Variants in ZNF790 observed in about 807,000 individuals in gnomAD.
The protein encoded by ZNF790 is zinc finger protein 790.
Under a neutral mutation model 12.1 loss-of-function variants are expected in ZNF790, and 8 were observed. The observed-to-expected ratio is 0.66, with a 90% CI of 0.39 to 1.19. The LOEUF is 1.19. Ranked by LOEUF, ZNF790 falls within the 50% of genes most tolerant of loss-of-function variation. ZNF790 has a pLI of 0.01. For missense variants in ZNF790, 707 were observed against 752.2 expected (o/e 0.94, Z 0.70); for synonymous variants, 252 against 244.3 (o/e 1.03, Z -0.29).
chr19:36,831,269 T>TA (rs960873595), intron 1 of ZNF790, among the ~76,000 whole-genome samples: 3 of 150,972 alleles, frequency 2.0e-5, no homozygotes, highest in African/African-American at 4.9e-5. Flanking sequence ...CAGTCTGAAT[T>TA]AAAAAAAAAG....
Position 36,819,861 on chromosome 19 carries a change from C to T in ZNF790, c.483G>A (p.Gln161=), listed in dbSNP as rs2071627415. 4 of 1,614,030 alleles carry T rather than the reference C, an allele frequency of 2.5e-6. No individual in the cohort carries two copies. The highest frequency in any genetic ancestry group is 4.5e-5 in the East Asian group (2 of 44,884). Residue 161 remains glutamine, a synonymous_variant, in exon 5 of 5, where the codon CAG becomes CAA. Transcript: ENST00000356725. ...TCAGTTTGTCTCCTGTATTAAGTCT[C>T]TGGTGTAGATTAAACACTGTATGCT... ...FNQHTVFNLH[Q]RLNTGDKLNE... is the part of the protein sequence containing the mutation.
chr19:36,846,296 C>T (rs969489919), intron 1 of ZNF790, among the ~76,000 whole-genome samples: 9 of 152,120 alleles, frequency 5.9e-5, no homozygotes, highest in Non-Finnish European at 1.2e-4. Context: ...CAGTGGCTCA[C>T]GCCTGTAGTC....
At position 36,818,989 on chromosome 19, in the gene ZNF790, C is replaced by T; in HGVS notation, c.1355G>A (p.Cys452Tyr). The T allele has an allele frequency of 1.2e-6, 2 of 1,613,874 alleles. No homozygotes were observed. The highest frequency in any genetic ancestry group is 1.7e-4 in the Middle Eastern group (1 of 6,058). ...KIHNERKSYECKECGKTFLHG... is the reference protein window; with the variant it reads ...KIHNERKSYEYKECGKTFLHG... ...AAGAAAGGTCTTTCCACATTCCTTA[C>T]ATTCATAGGATTTCCTCTCATTGTG... Residue 452 changes from cysteine to tyrosine, a missense_variant, in exon 5 of 5, where the codon TGT becomes TAT. Cys to Tyr is a radical substitution (Grantham distance 194, BLOSUM62 -2). Coordinates refer to ENST00000356725, the MANE Select transcript of ZNF790 (RefSeq NM_206894.4).
In ZNF790 at chr19:36,818,550, A is replaced by G. The variant is rs768328378; in HGVS notation, c.1794T>C (p.Phe598=). 9.3e-6 allele frequency: 15 copies of G among 1,608,274 alleles called. No homozygotes were observed. Among genetic ancestry groups the G allele is most frequent in the African/African-American group, 2.7e-5 (2 of 74,846 alleles). ...LCEWTDYGNT[F]SHESNFAQHQ... ...GTTGAGCAAAGTTTGACTCATGACT[A>G]AAGGTGTTCCCATAGTCTGTCCATT... Residue 598 remains phenylalanine (F), a synonymous_variant, in exon 5 of 5, where the codon TTT becomes TTC. Coordinates refer to ENST00000356725, the MANE Select transcript of ZNF790 (RefSeq NM_206894.4).
chr19:36,830,814 AT>A (rs2071931371), intron 1 of ZNF790, among the ~76,000 whole-genome samples: 1 of 152,206 alleles, frequency 6.6e-6, no homozygotes, highest in African/African-American at 2.4e-5. Context: ...TCTCCAAAAT[AT>A]AAATTAGATA....
intron 2 of ZNF790, 37 bp from the exon 3 acceptor site, chr19:36,823,827 A>T: frequency 1.3e-6 from 2 of 1,566,742 alleles, no homozygotes; most frequent in Non-Finnish European, 1.7e-6. Flanking sequence ...TAATGGTGAA[A>T]TTTTTAAAAA....
chr19:36,823,208 G>C, intron 4 of ZNF790, 77 bp downstream of exon 4: 1 of 1,301,136 alleles, frequency 7.7e-7, no homozygotes, highest in East Asian at 2.3e-5. Context: ...ATATTTCAGA[G>C]GTGTTGCTGC....
At chr19:36,831,820 ATAAAC>A (rs1194894928) in intron 1 of ZNF790, among the ~76,000 whole-genome samples, 1 of 152,218 alleles carries the variant, frequency 6.6e-6, no homozygotes, top group African/African-American at 2.4e-5. Flanking sequence ...TAGAGTATAA[ATAAAC>A]GTGATGAAAA....
rs755212336 is a variant in ZNF790, at chr19:36,819,949, T to C, written c.395A>G (p.Asp132Gly). 1.9e-6 allele frequency: 3 copies of C among 1,614,184 alleles called. No individual in the cohort carries two copies. The highest frequency in any genetic ancestry group is 1.1e-5 in the South Asian group (1 of 91,080). The change falls in exon 5 of 5, where the codon GAT (aspartate) becomes GGT (glycine). Residue 132 changes from aspartate (D) to glycine (G), a missense_variant. Asp to Gly is a moderately conservative substitution (Grantham distance 94). Coordinates refer to ENST00000356725, the MANE Select transcript of ZNF790 (RefSeq NM_206894.4). ...EGNTQFQTLQDNQEECFKQVI... is the reference protein window; with the variant it reads ...EGNTQFQTLQGNQEECFKQVI... ...CTGCTTGAAGCATTCCTCTTGATTA[T>C]CTTGAAGTGTTTGAAACTGAGTGTT...
At chr19:36,849,726 GT>G (rs1212409553) in intron 1 of ZNF790, among the ~76,000 whole-genome samples, 1 of 151,916 alleles carries the variant, frequency 6.6e-6, no homozygotes, top group Non-Finnish European at 1.5e-5. Flanking sequence ...CACAGTCATA[GT>G]ATCAGCTACC....
chr19:36,835,910 A>G (rs914402824), intron 1 of ZNF790, among the ~76,000 whole-genome samples: 1 of 151,940 alleles, frequency 6.6e-6, no homozygotes, highest in Non-Finnish European at 1.5e-5. Context: ...CCATGTCATT[A>G]TATTAGTCCA....
chr19:36,828,027 A>G (rs995886630), intron 1 of ZNF790: 2 of 152,222 alleles, frequency 1.3e-5, no homozygotes, highest in Non-Finnish European at 2.9e-5. Flanking sequence ...CTTCAGGGGC[A>G]TAGAGAACTT....
chr19:36,823,737 G>A lies in ZNF790; in HGVS notation c.63C>T (p.Cys21=). The change falls in exon 3 of 5, where the codon TGC becomes TGT. Residue 21 remains cysteine, a synonymous_variant. Coordinates refer to ENST00000356725, the MANE Select transcript of ZNF790 (RefSeq NM_206894.4). ...AVDFSQEEWE[C]LDLEQRDLYR... is the part of the protein sequence containing the mutation. ...ATAAATCCCTCTGTTCCAGGTCCAGGCACTCCCACTCCTCCTGAGAGAAAT... is the reference window on the plus strand; with the variant it reads ...ATAAATCCCTCTGTTCCAGGTCCAGACACTCCCACTCCTCCTGAGAGAAAT... The A allele has an allele frequency of 1.2e-6, 2 of 1,613,262 alleles. No individual in the cohort carries two copies. Among genetic ancestry groups the A allele is most frequent in the Non-Finnish European group, 1.7e-6 (2 of 1,179,628 alleles).
At chr19:36,849,080 AC>A (rs2072212669) in intron 1 of ZNF790, among the ~76,000 whole-genome samples, 1 of 151,832 alleles carries the variant, frequency 6.6e-6, no homozygotes, top group Admixed American at 6.6e-5. Context: ...GGCGTGAGCC[AC>A]CGCACTCATG....
At chr19:36,832,784 G>A (rs1484460628) in intron 1 of ZNF790, among the ~76,000 whole-genome samples, 7 of 152,092 alleles carry the variant, frequency 4.6e-5, no homozygotes, top group African/African-American at 9.7e-5. Context: ...TAGAAATGAA[G>A]GTTAGAGAAT....
chr19:36,829,274 C>T (rs1198988181), intron 1 of ZNF790, among the ~76,000 whole-genome samples: 2 of 152,202 alleles, frequency 1.3e-5, no homozygotes, highest in South Asian at 2.1e-4. Flanking sequence ...GCTATCACTC[C>T]TTGGCTTCCC....
At chr19:36,848,478 G>GTGAT (rs889752612) in intron 1 of ZNF790, among the ~76,000 whole-genome samples, 3 of 151,150 alleles carry the variant, frequency 2.0e-5, no homozygotes, top group Admixed American at 2.0e-4. Flanking sequence ...ATACAAAAAT[G>GTGAT]TGATTGCCTC....
chr19:36,830,117 G>T (rs553423816), intron 1 of ZNF790, among the ~76,000 whole-genome samples: 5 of 152,264 alleles, frequency 3.3e-5, no homozygotes, highest in Admixed American at 2.0e-4. Flanking sequence ...TCTGGTCCCT[G>T]ATCTTAGAGG....
At position 36,818,790 on chromosome 19, in the gene ZNF790, A is replaced by AC; in HGVS notation, c.1553dup (p.Ser519PhefsTer13). The stretch of plus-strand genomic sequence containing the variant: ...TTCTCTGATGTCGAGTAAGTTGTGA[A>AC]CCCCAGAGAAAGGCTTTTCCACATT... On this transcript the variant is annotated frameshift_variant, in exon 5 of 5. Transcript: ENST00000356725. LOFTEE classifies it low-confidence loss of function (END_TRUNC). 6.2e-7 allele frequency: 1 copy of AC among 1,609,838 alleles called. No homozygotes were observed. The highest frequency in any genetic ancestry group is 8.5e-7 in the Non-Finnish European group (1 of 1,178,166).
Sources: allele counts gnomAD v4.1 joint callset (sites outside exome capture counted in the v4.1 genomes callset), GRCh38; gene constraint gnomAD v4.1.1; transcripts MANE v1.5; gene names NCBI Gene and HGNC (gene_info 2026-07-23, HGNC 2026-07-21).